AADAC: variants seen among roughly 807,000 people sequenced by gnomAD.
The protein encoded by AADAC is arylacetamide deacetylase, also known as arylacetamide deacetylase (esterase).
AADAC carries 17 observed loss-of-function variants against 22.7 expected under a neutral mutation model. The observed-to-expected ratio is 0.75, with a 90% CI of 0.51 to 1.12. The LOEUF (loss-of-function observed/expected upper bound fraction) is 1.12, where lower values mean the gene tolerates loss of function less well. AADAC is among the 50% of genes most tolerant of loss of function. The pLI is 0.00. For synonymous variants in AADAC, 167 were observed against 176.3 expected (o/e 0.95, Z 0.42); for missense variants, 465 against 473.9 (o/e 0.98, Z 0.17).
intron 1 of AADAC, 131 bp from the exon 2 acceptor site, chr3:151,817,235 G>A: frequency 5.3e-6 from 4 of 753,542 alleles, no homozygotes; most frequent in Non-Finnish European, 8.6e-6. Flanking sequence ...AAAGGACCAA[G>A]CAGGATTCAT....
intron 1 of AADAC, among the ~76,000 whole-genome samples, chr3:151,816,880 GT>G (rs1716010613): frequency 6.6e-6 from 1 of 151,922 alleles, no homozygotes; most frequent in Admixed American, 6.6e-5. Flanking sequence ...AAGTGGTCTT[GT>G]TATATAGATG....
chr3:151,827,489 AAGAT>A (rs1560314515), intron 4 of AADAC, 83 bp from the exon 5 acceptor site: 40 of 848,926 alleles, frequency 4.7e-5, no homozygotes, highest in Middle Eastern at 7.1e-4. Context: ...AGATAAAAAC[AAGAT>A]AGATAGACAG....
chr3:151,822,765 T>C (rs1242943121), intron 3 of AADAC, among the ~76,000 whole-genome samples: 2 of 151,984 alleles, frequency 1.3e-5, no homozygotes, highest in East Asian at 1.9e-4. Flanking sequence ...TGACTACTAA[T>C]GGGTATAGGA....
Position 151,824,791 on chromosome 3 carries a change from G to A in AADAC, c.560G>A (p.Gly187Glu), listed in dbSNP as rs751266542. 3 of 1,605,754 alleles carry A rather than the reference G, an allele frequency of 1.9e-6. No homozygotes were observed. Among genetic ancestry groups the A allele is most frequent in the Non-Finnish European group, 2.6e-6 (3 of 1,176,152 alleles). The change falls in exon 4 of 5, where the codon GGA becomes GAA. Residue 187 changes from glycine (G) to glutamate (E), a missense_variant. Coordinates refer to ENST00000232892, the MANE Select transcript of AADAC (RefSeq NM_001086.3). The part of the protein sequence containing the change: ...GVNPERIGIS[G>E]DSAGGNLAAA... ...AACCCTGAGAGAATCGGTATTTCTG[G>A]AGATAGTGCAGGAGGGAATTTAGCT...
chr3:151,825,037 TCTTC>T (rs1383029719), intron 4 of AADAC, among the ~76,000 whole-genome samples: 1 of 151,922 alleles, frequency 6.6e-6, no homozygotes, highest in Admixed American at 6.6e-5. Flanking sequence ...GATTTTTTTT[TCTTC>T]CTTAAGGGAA....
At position 151,821,580 on chromosome 3, in the gene AADAC, AT is replaced by A. The variant is rs1191218014; in HGVS notation, c.431+1129del. Among the ~76,000 whole-genome samples, 14 of 152,146 alleles carry A rather than the reference AT, an allele frequency of 9.2e-5. No individual in the cohort carries two copies. In the South Asian group the frequency reaches 1.9e-3, roughly 20 times the overall value. On this transcript the variant is annotated intron_variant, in intron 3 of 4. Coordinates refer to ENST00000232892, the MANE Select transcript of AADAC (RefSeq NM_001086.3). ...AATATTTGGTTGTATGTGATCACTC[AT>A]AAATATAGTGGCTAGAATAATATTT...
chr3:151,824,665 A>G lies in AADAC; in HGVS notation c.434A>G (p.Tyr145Cys), dbSNP rs774342887. ...TAAACTATGTTTTCTCTCTACAGCT[A>G]CAGATTAGCACCTAAGTATCATTTC... is the stretch of plus-strand genomic sequence containing the variant. Reference protein sequence around the residue: ...RLDAVVVSTNYRLAPKYHFPI... With the variant: ...RLDAVVVSTNCRLAPKYHFPI... The change falls in exon 4 of 5, where the codon TAC becomes TGC. Residue 145 changes from tyrosine (Y) to cysteine (C), a missense_variant and splice_region_variant. By Grantham distance (194) the Tyr-to-Cys change is radical. Transcript: ENST00000232892. 2.6e-6 allele frequency: 4 copies of G among 1,554,670 alleles called. No homozygotes were observed. The highest frequency in any genetic ancestry group is 2.6e-6 in the Non-Finnish European group (3 of 1,152,362).
chr3:151,817,431 T>C lies in AADAC; in HGVS notation c.204T>C (p.Phe68=). ...FMDSFKVVGS[F]DEVPPTSDEN... is the part of the protein sequence containing the mutation. ...ATTCCTTTAAGGTTGTCGGGAGCTT[T>C]GATGAAGTCCCACCAACCTCAGATG... The change falls in exon 2 of 5, where the codon TTT becomes TTC. Residue 68 remains phenylalanine, a synonymous_variant. Coordinates refer to ENST00000232892, the MANE Select transcript of AADAC (RefSeq NM_001086.3). 6.2e-7 allele frequency: 1 copy of C among 1,613,792 alleles called. No homozygotes were observed. Among genetic ancestry groups the C allele is most frequent in the Non-Finnish European group, 8.5e-7 (1 of 1,179,736 alleles).
intron 1 of AADAC, among the ~76,000 whole-genome samples, chr3:151,815,149 AC>A (rs2108024459): frequency 6.6e-6 from 1 of 152,160 alleles, no homozygotes; most frequent in East Asian, 1.9e-4. Context: ...CATGAGAAGT[AC>A]CTTTAAGGAG....
At position 151,827,975 on chromosome 3, in the gene AADAC, A is replaced by G. The variant is rs935282783; in HGVS notation, c.1003A>G (p.Thr335Ala). The G allele has an allele frequency of 3.8e-5, 61 of 1,612,710 alleles. No homozygotes were observed. Among genetic ancestry groups the G allele is most frequent in the Non-Finnish European group, 4.9e-5 (58 of 1,179,252 alleles). ...DDNKLRGLPL[T>A]YVITCQYDLL... ...CAACAAATTACGTGGCTTACCCCTG[A>G]CCTATGTCATCACCTGTCAATATGA... Residue 335 changes from threonine to alanine, a missense_variant, in exon 5 of 5, where the codon ACC (threonine) becomes GCC (alanine). By Grantham distance (58) the Thr-to-Ala change is moderately conservative (BLOSUM62 0). Transcript: ENST00000232892.
intron 4 of AADAC, among the ~76,000 whole-genome samples, chr3:151,826,836 A>G (rs1408015390): frequency 6.6e-6 from 1 of 152,030 alleles, no homozygotes; most frequent in Non-Finnish European, 1.5e-5. Flanking sequence ...ATGTCGCTTT[A>G]GCATCAAAGC....
Position 151,815,637 on chromosome 3 carries a change from T to C in AADAC, c.138+1337T>C, listed in dbSNP as rs1335926040. Among the ~76,000 whole-genome samples, 8 of 151,990 alleles carry C rather than the reference T, an allele frequency of 5.3e-5. 1 individual carries two copies. The highest frequency in any genetic ancestry group is 2.6e-4 in the Admixed American group (4 of 15,262). On this transcript the variant is annotated intron_variant, in intron 1 of 4. Coordinates refer to ENST00000232892, the MANE Select transcript of AADAC (RefSeq NM_001086.3). ...TTTTATTTATTTAAGCAATTATATA[T>C]ATATTCTTCTCTGGTAGCCTTTTAA... is the stretch of plus-strand genomic sequence containing the variant.
chr3:151,823,307 G>A (rs1716332684), intron 3 of AADAC, among the ~76,000 whole-genome samples: 1 of 151,506 alleles, frequency 6.6e-6, no homozygotes, highest in South Asian at 2.1e-4. Flanking sequence ...AAGAAATTAT[G>A]TTCATCAAAA....
chr3:151,824,605 T>C (rs1265136779), intron 3 of AADAC, 58 bp from the exon 4 acceptor site: 1 of 1,296,860 alleles, frequency 7.7e-7, no homozygotes, highest in African/African-American at 1.8e-5. Context: ...ACCAATAATA[T>C]ATTACAGTCT....
chr3:151,817,598 T>C lies in AADAC; in HGVS notation c.361+10T>C, dbSNP rs1467963521. The C allele has an allele frequency of 3.7e-6, 6 of 1,610,064 alleles. No homozygotes were observed. The highest frequency in any genetic ancestry group is 2.7e-5 in the African/African-American group (2 of 74,880). On this transcript the variant is annotated intron_variant, in intron 2 of 4. Transcript: ENST00000232892. ...TGCGTGGGAAGTGCTGGTAAGTGAATGCTTTGAAAAATCTCTGTCACTGAG... is the reference window on the plus strand; with the variant it reads ...TGCGTGGGAAGTGCTGGTAAGTGAACGCTTTGAAAAATCTCTGTCACTGAG...
At chr3:151,816,284 A>G (rs1298146764) in intron 1 of AADAC, among the ~76,000 whole-genome samples, 1 of 152,016 alleles carries the variant, frequency 6.6e-6, no homozygotes, top group African/African-American at 2.4e-5. Flanking sequence ...AAACTAAACC[A>G]GTTCCTCGAC....
intron 3 of AADAC, among the ~76,000 whole-genome samples, chr3:151,821,188 C>G (rs1163162216): frequency 6.6e-6 from 1 of 151,776 alleles, no homozygotes; most frequent in East Asian, 1.9e-4. Flanking sequence ...ATCCTTGAAA[C>G]AGAGTCCAGC....
At position 151,828,059 on chromosome 3, in the gene AADAC, G is replaced by A. The variant is rs146149654; in HGVS notation, c.1087G>A (p.Val363Met). 5.0e-5 allele frequency: 81 copies of A among 1,613,128 alleles called. 4 individuals are homozygous for A. The highest frequency in any genetic ancestry group is 2.3e-4 in the Admixed American group (14 of 59,922). The change falls in exon 5 of 5, where the codon GTG becomes ATG. Residue 363 changes from valine (V) to methionine (M), a missense_variant. Val to Met is a conservative substitution (Grantham distance 21). Coordinates refer to ENST00000232892, the MANE Select transcript of AADAC (RefSeq NM_001086.3). ...VTRLRNTGVQ[V>M]THNHVEDGFH... ...CCGACTTCGCAACACTGGGGTTCAG[G>A]TGACTCATAACCATGTTGAGGATGG...
chr3:151,825,396 A>C (rs1716445920), intron 4 of AADAC, among the ~76,000 whole-genome samples: 1 of 151,800 alleles, frequency 6.6e-6, no homozygotes. Context: ...CTGTCTCTTA[A>C]AAGCATAAAA....
Sources: allele counts gnomAD v4.1 joint callset (sites outside exome capture counted in the v4.1 genomes callset), GRCh38; gene constraint gnomAD v4.1.1; transcripts MANE v1.5; gene names NCBI Gene and HGNC (gene_info 2026-07-23, HGNC 2026-07-21).